The following ART3 variants were observed in gnomAD, a reference collection of about 807,000 sequenced individuals.
The protein encoded by ART3 is ecto-ADP-ribosyltransferase 3.
ART3 carries 49 observed loss-of-function variants against 48.5 expected under a neutral mutation model. The ratio of observed to expected loss-of-function variants is 1.01; its 90% CI spans 0.80 to 1.28. The LOEUF is 1.28. Among genes scored for constraint, ART3 ranks in the 50% most tolerant of loss-of-function variants. ART3 has a pLI of 0.00. For missense variants in ART3, 438 were observed against 454.3 expected, an observed-to-expected ratio of 0.96 and a Z score of 0.33; for synonymous variants, 145 against 157.2, an observed-to-expected ratio of 0.92 and a Z score of 0.58.
At chr4:76,019,045 GAAA>G (rs72190608) in intron 1 of ART3, among the ~76,000 whole-genome samples, 1 of 87,496 alleles carries the variant, frequency 1.1e-5, no homozygotes, top group Admixed American at 1.3e-4. Context: ...CCATCTCAAG[GAAA>G]AAAAAAAAAA....
chr4:76,051,507 T>C (rs1399383667), intron 1 of ART3, among the ~76,000 whole-genome samples: 5 of 152,184 alleles, frequency 3.3e-5, no homozygotes. Context: ...ATAATGCATG[T>C]TTTAATGCCA....
chr4:76,109,010 A>AC (rs1355362454), intron 11 of ART3, among the ~76,000 whole-genome samples: 1 of 152,178 alleles, frequency 6.6e-6, no homozygotes, highest in Non-Finnish European at 1.5e-5. Context: ...AAGGCCTGGG[A>AC]CACTACTGTA....
At chr4:76,012,110 A>G (rs1466235893) in intron 1 of ART3, 1 of 152,148 alleles carries the variant, frequency 6.6e-6, no homozygotes, top group Non-Finnish European at 1.5e-5. Flanking sequence ...TGCTAATGTA[A>G]CCCCAAAGAA....
upstream of ART3, among the ~76,000 whole-genome samples, chr4:76,073,147 A>G (rs1410398849): frequency 6.6e-6 from 1 of 152,238 alleles, no homozygotes; most frequent in African/African-American, 2.4e-5. Flanking sequence ...GTTCACTGGT[A>G]TATCTCTAGT....
chr4:76,072,641 T>C (rs1720435013), upstream of ART3, among the ~76,000 whole-genome samples: 1 of 115,670 alleles, frequency 8.6e-6, no homozygotes, highest in Non-Finnish European at 1.7e-5. Context: ...AATCAGATCA[T>C]GTTATACCTC....
At chr4:76,088,831 G>A (rs1230386951) in intron 3 of ART3, among the ~76,000 whole-genome samples, 14 of 152,010 alleles carry the variant, frequency 9.2e-5, no homozygotes, top group Admixed American at 8.5e-4. Context: ...AACAGACACC[G>A]CCATACTTGA....
intron 1 of ART3, among the ~76,000 whole-genome samples, chr4:76,029,564 A>G (rs1733695010): frequency 6.6e-6 from 1 of 152,136 alleles, no homozygotes; most frequent in Non-Finnish European, 1.5e-5. Flanking sequence ...CCCTTCTCCA[A>G]AAAAAACCCT....
chr4:76,027,024 G>A (rs559726690), intron 1 of ART3, among the ~76,000 whole-genome samples: 11 of 152,332 alleles, frequency 7.2e-5, no homozygotes, highest in African/African-American at 2.2e-4. Context: ...GGCCCAGGCG[G>A]GTGGATCACC....
rs748768784 is a variant in ART3, at chr4:76,082,110, T to C, written c.356T>C (p.Val119Ala). 21 of 1,614,106 alleles carry C rather than the reference T, an allele frequency of 1.3e-5. No individual in the cohort carries two copies. The highest frequency in any genetic ancestry group is 1.8e-5 in the Non-Finnish European group (21 of 1,180,056). Reference protein sequence around the residue: ...TPFYHLFSEAVKMAGQSREDY... With the variant: ...TPFYHLFSEAAKMAGQSREDY... The stretch of plus-strand genomic sequence containing the variant: ...TTTTACCATCTGTTCAGTGAAGCTG[T>C]GAAGATGGCTGGCCAATCTCGAGAA... Residue 119 changes from valine (V) to alanine (A), a missense_variant, in exon 3 of 12, where the codon GTG becomes GCG. This residue lies in a region of ART3 where 206 missense variants were observed against 205.3 expected (regional missense o/e 1.00). Transcript: ENST00000355810.
intron 1 of ART3, among the ~76,000 whole-genome samples, chr4:76,052,546 C>T (rs1332213342): frequency 6.6e-6 from 1 of 151,968 alleles, no homozygotes; most frequent in African/African-American, 2.4e-5. Context: ...TTAGTGTATC[C>T]ATCACCAGAA....
intron 1 of ART3, among the ~76,000 whole-genome samples, chr4:76,025,107 G>A (rs1424713522): frequency 6.6e-6 from 1 of 152,182 alleles, no homozygotes; most frequent in Non-Finnish European, 1.5e-5. Flanking sequence ...AAGAGAGGGA[G>A]GTGAGGTAGA....
chr4:76,054,446 G>A (rs1718484049), intron 1 of ART3, among the ~76,000 whole-genome samples: 1 of 152,036 alleles, frequency 6.6e-6, no homozygotes, highest in Non-Finnish European at 1.5e-5. Context: ...AAATAGGACA[G>A]GAAAGATGTT....
chr4:76,089,952 T>G (rs1724496242), intron 3 of ART3, among the ~76,000 whole-genome samples: 1 of 152,054 alleles, frequency 6.6e-6, no homozygotes, highest in African/African-American at 2.4e-5. Context: ...TGGTGGTGGG[T>G]ACCTGTAGTC....
At chr4:76,066,245 T>C (rs1719724195) in intron 1 of ART3, among the ~76,000 whole-genome samples, 1 of 134,812 alleles carries the variant, frequency 7.4e-6, no homozygotes, top group African/African-American at 2.8e-5. Context: ...CTGTTGCCAG[T>C]GGGGCCTTTG....
At chr4:76,107,681 G>A in intron 10 of ART3, 80 bp from the exon 11 acceptor site, 1 of 1,008,742 alleles carries the variant, frequency 9.9e-7, no homozygotes, top group Non-Finnish European at 1.5e-6. Context: ...AACCAAGTTT[G>A]CTTAATTTTT....
intron 1 of ART3, among the ~76,000 whole-genome samples, chr4:76,020,007 C>T (rs569689565): frequency 2.3e-4 from 35 of 152,052 alleles, no homozygotes; most frequent in Middle Eastern, 3.4e-3. Context: ...TGTTATTTCA[C>T]AATGATTTGA....
intron 2 of ART3, among the ~76,000 whole-genome samples, chr4:76,077,629 G>A (rs902641471): frequency 3.3e-5 from 5 of 152,184 alleles, no homozygotes; most frequent in African/African-American, 4.8e-5. Flanking sequence ...AAATATATAT[G>A]TAAGAATGAA....
intron 3 of ART3, among the ~76,000 whole-genome samples, chr4:76,094,146 A>G (rs1725515835): frequency 6.6e-6 from 1 of 152,222 alleles, no homozygotes; most frequent in South Asian, 2.1e-4. Flanking sequence ...TGAACCTGCC[A>G]TTACCTTGAT....
At chr4:76,043,045 C>G (rs1487710345) in intron 1 of ART3, among the ~76,000 whole-genome samples, 1 of 151,850 alleles carries the variant, frequency 6.6e-6, no homozygotes, top group Non-Finnish European at 1.5e-5. Flanking sequence ...GGGGCCCCAC[C>G]AGAATAGCTA....
Sources: gnomAD v4.1 joint callset for allele counts (sites outside exome capture counted in the v4.1 genomes callset) on GRCh38, gnomAD v4.1.1 for gene constraint, gnomAD v4.1.1 regional missense constraint, MANE v1.5 for transcripts, NCBI Gene and HGNC (gene_info 2026-07-23, HGNC 2026-07-21) for gene names.